The following CHM variants were observed in gnomAD, a reference collection of about 807,000 sequenced individuals.
CHM encodes rab proteins geranylgeranyltransferase component A 1.
In CHM, 10 loss-of-function variants were observed where a neutral mutation model predicts 49.0. The observed-to-expected ratio is 0.20, with a 90% CI of 0.13 to 0.35. The LOEUF is 0.35. CHM is among the 10% of genes least tolerant of loss of function. CHM has a pLI of 1.00. For synonymous variants in CHM, 184 were observed against 167.5 expected, an observed-to-expected ratio of 1.10 and a Z score of -0.76; for missense variants, 455 against 478.4, an observed-to-expected ratio of 0.95 and a Z score of 0.46.
At chrX:85,980,306 CACAGACTAA>C (rs2147709065) in intron 3 of CHM, among the ~76,000 whole-genome samples, 1 of 111,703 alleles carries the variant, frequency 9.0e-6, no homozygotes, top group East Asian at 2.8e-4. Context: ...AATATTTAAG[CACAGACTAA>C]ACAGTTAAAT....
At chrX:86,006,963 G>A (rs1932871478) in intron 2 of CHM, among the ~76,000 whole-genome samples, 1 of 111,538 alleles carries the variant, frequency 9.0e-6, no homozygotes, top group Non-Finnish European at 1.9e-5. Context: ...TCAATCCTAA[G>A]CCAAAAGAAC....
intron 12 of CHM, among the ~76,000 whole-genome samples, chrX:85,889,127 T>TA (rs1925279203): frequency 9.0e-6 from 1 of 111,259 alleles, no homozygotes; most frequent in African/African-American, 3.3e-5. Flanking sequence ...AATGGAAAAA[T>TA]AATTTACAAA....
intron 8 of CHM, among the ~76,000 whole-genome samples, chrX:85,917,008 G>A (rs1448803966): frequency 8.9e-6 from 1 of 112,201 alleles, no homozygotes; most frequent in Non-Finnish European, 1.9e-5. Flanking sequence ...GTTTATTGCA[G>A]CACTCTTCAC....
intron 11 of CHM, among the ~76,000 whole-genome samples, chrX:85,898,462 C>T (rs1386729118): frequency 9.0e-6 from 1 of 111,640 alleles, no homozygotes; most frequent in Non-Finnish European, 1.9e-5. Context: ...ACCTCTCCCT[C>T]TCTACTGGCT....
chrX:86,043,506 G>A (rs1014943353), intron 1 of CHM, among the ~76,000 whole-genome samples: 1 of 109,524 alleles, frequency 9.1e-6, no homozygotes, highest in African/African-American at 3.3e-5. Flanking sequence ...CCCAGTTTCA[G>A]GCAATCCTCC....
At chrX:85,977,083 G>A (rs576030992) in intron 4 of CHM, among the ~76,000 whole-genome samples, 1 of 112,007 alleles carries the variant, frequency 8.9e-6, no homozygotes, top group South Asian at 3.7e-4. Flanking sequence ...GATTAAGGAT[G>A]CCAGTCTTGC....
intron 12 of CHM, among the ~76,000 whole-genome samples, chrX:85,884,553 T>C (rs1331813317): frequency 2.7e-5 from 3 of 111,216 alleles, no homozygotes; most frequent in African/African-American, 9.8e-5. Flanking sequence ...GTTAATGAAA[T>C]GTACCTCCCT....
At chrX:85,960,812 T>C (rs1028770969) in intron 5 of CHM, among the ~76,000 whole-genome samples, 1 of 111,281 alleles carries the variant, frequency 9.0e-6, no homozygotes, top group Non-Finnish European at 1.9e-5. Flanking sequence ...ATAATGGAAA[T>C]TAGATTTATT....
intron 8 of CHM, among the ~76,000 whole-genome samples, chrX:85,923,475 C>A (rs994622829): frequency 8.9e-6 from 1 of 112,088 alleles, no homozygotes; most frequent in Non-Finnish European, 1.9e-5. Flanking sequence ...ACTTGGGGAC[C>A]TGGTCAATTC....
intron 8 of CHM, among the ~76,000 whole-genome samples, chrX:85,949,507 T>C (rs930635622): frequency 9.0e-6 from 1 of 110,541 alleles, no homozygotes; most frequent in Non-Finnish European, 1.9e-5. Context: ...TGTGTCTCCT[T>C]TGAATCAGGC....
At position 86,047,485 on chromosome X, in the gene CHM, C is replaced by T; in HGVS notation, c.48G>A (p.Thr16=). The change falls in exon 1 of 15, where the codon ACG becomes ACA. Residue 16 remains threonine (T), a splice_region_variant and synonymous_variant. Transcript: ENST00000357749. ...CAGGAAGCACCAGGCTACACATACC[C>T]GTCCCTATTACGATCACATCAAACT... is the stretch of plus-strand genomic sequence containing the variant. ...PSEFDVIVIG[T]GLPESIIAAA... is the part of the protein sequence containing the mutation. The T allele has an allele frequency of 8.3e-7, 1 of 1,207,617 alleles. No individual in the cohort carries two copies. The highest frequency in any genetic ancestry group is 3.0e-5 in the East Asian group (1 of 33,791).
chrX:85,959,128 C>A lies in CHM; in HGVS notation c.703-151G>T, dbSNP rs1027669820. ...AATACATAACACAATCTATTACAGG[C>A]TCAGAATTGATTAGCTGAAATTCAA... On this transcript the variant is annotated intron_variant, in intron 5 of 14. Transcript: ENST00000357749. 8 of 768,293 alleles carry A rather than the reference C, an allele frequency of 1.0e-5. No homozygotes were observed. In the Admixed American group the frequency reaches 3.3e-4, roughly 32 times the overall value. 63.3% of individuals were successfully genotyped at this position (768,293 alleles called of 1,213,427 possible).
chrX:85,946,769 G>C (rs897183310), intron 8 of CHM, among the ~76,000 whole-genome samples: 2 of 111,665 alleles, frequency 1.8e-5, no homozygotes, highest in South Asian at 3.8e-4. Flanking sequence ...TGTGGGAAGG[G>C]AGCCACAATA....
chrX:85,894,131 G>GC, intron 12 of CHM, 57 bp downstream of exon 12: 3 of 844,173 alleles, frequency 3.6e-6, no homozygotes, highest in Non-Finnish European at 5.3e-6. Flanking sequence ...TGTAATAACT[G>GC]CCCCCTTTAC....
Position 85,873,228 on chromosome X carries a change from A to C in CHM, c.1610-16T>G. 1 of 1,061,545 alleles carries C rather than the reference A, an allele frequency of 9.4e-7. No individual in the cohort carries two copies. The highest frequency in any genetic ancestry group is 2.8e-4 in the Middle Eastern group (1 of 3,534). 87.5% of individuals were successfully genotyped at this position (1,061,545 alleles called of 1,213,427 possible). A position where few individuals can be genotyped will look rare whatever the true frequency, so the allele number is the denominator to read the frequency against. The stretch of plus-strand genomic sequence containing the variant: ...TGTTCATTTTCTAAATATAGAAATA[A>C]ATTTTATTTACATTCTAAAATACAA... On this transcript the variant is annotated splice_polypyrimidine_tract_variant and intron_variant, in intron 13 of 14. Coordinates refer to ENST00000357749, the MANE Select transcript of CHM (RefSeq NM_000390.4).
chrX:85,908,581 T>C (rs776179415), intron 9 of CHM, among the ~76,000 whole-genome samples: 1 of 111,781 alleles, frequency 8.9e-6, no homozygotes, highest in African/African-American at 3.2e-5. Flanking sequence ...TAGATGACAG[T>C]AGTACTATGA....
At chrX:85,969,126 T>A (rs1930740758) in intron 4 of CHM, 1 of 694,946 alleles carries the variant, frequency 1.4e-6, no homozygotes. Context: ...ATTTTTGGTA[T>A]GAATACATTA....
intron 4 of CHM, among the ~76,000 whole-genome samples, chrX:85,967,915 A>G (rs757603999): frequency 9.0e-6 from 1 of 111,553 alleles, no homozygotes; most frequent in African/African-American, 3.3e-5. Flanking sequence ...GTGTCTTATG[A>G]ATACCTTGTA....
At chrX:85,942,652 C>T (rs1041933720) in intron 8 of CHM, among the ~76,000 whole-genome samples, 5 of 111,009 alleles carry the variant, frequency 4.5e-5, no homozygotes, top group South Asian at 7.5e-4. Flanking sequence ...ACCCATTTGA[C>T]GCAGGGTCAG....
Sources: allele counts gnomAD v4.1 joint callset (sites outside exome capture counted in the v4.1 genomes callset), GRCh38; gene constraint gnomAD v4.1.1; transcripts MANE v1.5; gene names NCBI Gene and HGNC (gene_info 2026-07-23, HGNC 2026-07-21).